The following NAALADL2 variants were observed in gnomAD, a reference collection of about 807,000 sequenced individuals.
The protein encoded by NAALADL2 is N-acetylated alpha-linked acidic dipeptidase like 2.
Under a neutral mutation model 87.2 loss-of-function variants are expected in NAALADL2, and 76 were observed. The observed-to-expected ratio is 0.87, with a 90% CI of 0.72 to 1.05. The LOEUF (loss-of-function observed/expected upper bound fraction) is 1.05, where lower values mean the gene tolerates loss of function less well. NAALADL2 is among the 50% of genes least tolerant of loss of function. The pLI is 0.00. For missense variants in NAALADL2, 1,089 were observed against 945.8 expected, an observed-to-expected ratio of 1.15 and a Z score of -1.99; for synonymous variants, 354 against 331.0, an observed-to-expected ratio of 1.07 and a Z score of -0.75.
At chr3:175,635,968 A>G (rs1435047800) in intron 11 of NAALADL2, among the ~76,000 whole-genome samples, 1 of 152,178 alleles carries the variant, frequency 6.6e-6, no homozygotes, top group Admixed American at 6.5e-5. Flanking sequence ...AACACAACAT[A>G]CCAGAAGAAT....
intron 9 of NAALADL2, among the ~76,000 whole-genome samples, chr3:175,521,168 TTATTTGTCTCAAGGGAGTATACA>T (rs1732602017): frequency 6.6e-6 from 1 of 151,816 alleles, no homozygotes; most frequent in African/African-American, 2.4e-5. Context: ...TACAGAGACT[TTATTTGTCTCAAGGGAGTATACA>T]TTTTTCCCTT....
intron 1 of NAALADL2, among the ~76,000 whole-genome samples, chr3:174,460,936 C>T (rs983475097): frequency 2.6e-5 from 4 of 151,940 alleles, no homozygotes; most frequent in African/African-American, 9.7e-5. Flanking sequence ...TTTTTCCCTC[C>T]CTATTCTTTG....
At position 175,183,883 on chromosome 3, in the gene NAALADL2, A is replaced by G. The variant is rs559794721; in HGVS notation, c.546-50048A>G. ...AGAGCATGAGGCCCAACATAGGTCAAACAATTATACTCTTTTCATTATATT... is the reference window on the plus strand; with the variant it reads ...AGAGCATGAGGCCCAACATAGGTCAGACAATTATACTCTTTTCATTATATT... On this transcript the variant is annotated intron_variant, in intron 2 of 13. Transcript: ENST00000454872. Among the ~76,000 whole-genome samples the G allele has an allele frequency of 2.6e-5, 4 of 152,228 alleles. No homozygotes were observed. The East Asian group carries it at 5.8e-4, about 22-fold the overall frequency.
At chr3:175,328,134 G>T (rs1452045028) in intron 5 of NAALADL2, among the ~76,000 whole-genome samples, 1 of 152,158 alleles carries the variant, frequency 6.6e-6, no homozygotes, top group Non-Finnish European at 1.5e-5. Flanking sequence ...ACTTGTGAAG[G>T]AGGATGTTTT....
intron 9 of NAALADL2, among the ~76,000 whole-genome samples, chr3:175,514,366 AAG>A (rs1216637635): frequency 1.3e-5 from 2 of 152,312 alleles, no homozygotes; most frequent in Admixed American, 6.5e-5. Context: ...AACATAATGA[AAG>A]AGAAAATGAT....
intron 9 of NAALADL2, among the ~76,000 whole-genome samples, chr3:175,570,340 A>G (rs62288403): frequency 0.11 from 16,245 of 152,202 alleles, 1,130 homozygotes; most frequent in Middle Eastern, 0.17. Context: ...AATTTAATCT[A>G]ATAACACTCT....
At chr3:175,672,260 G>C (rs1010051986) in intron 11 of NAALADL2, among the ~76,000 whole-genome samples, 3 of 152,080 alleles carry the variant, frequency 2.0e-5, no homozygotes, top group African/African-American at 7.2e-5. Flanking sequence ...CCCCATCCGG[G>C]AACATTGGTT....
At chr3:175,656,080 C>T (rs758678795) in intron 11 of NAALADL2, among the ~76,000 whole-genome samples, 5 of 152,102 alleles carry the variant, frequency 3.3e-5, no homozygotes, top group South Asian at 2.1e-4. Flanking sequence ...ATACTATAGC[C>T]GAGTTGCAAC....
chr3:174,477,754 A>G (rs1194707377), intron 1 of NAALADL2, among the ~76,000 whole-genome samples: 1 of 152,218 alleles, frequency 6.6e-6, no homozygotes, highest in African/African-American at 2.4e-5. Flanking sequence ...CCTCTGGGGA[A>G]GGATTAAAAC....
intron 1 of NAALADL2, among the ~76,000 whole-genome samples, chr3:175,085,419 A>G (rs1441196788): frequency 1.3e-5 from 2 of 152,104 alleles, no homozygotes; most frequent in Non-Finnish European, 2.9e-5. Context: ...TTGTTATCAT[A>G]ATTTTTGTTT....
chr3:175,628,978 A>G (rs2149720645), intron 11 of NAALADL2, among the ~76,000 whole-genome samples: 1 of 150,918 alleles, frequency 6.6e-6, no homozygotes, highest in East Asian at 1.9e-4. Flanking sequence ...AAATCACCTA[A>G]CAGGAAGCCT....
At chr3:175,135,457 C>G (rs762347736) in intron 2 of NAALADL2, among the ~76,000 whole-genome samples, 1 of 151,786 alleles carries the variant, frequency 6.6e-6, no homozygotes, top group Admixed American at 6.6e-5. Flanking sequence ...GTAGAGTAAG[C>G]GTGTGTAAAT....
At position 175,429,503 on chromosome 3, in the gene NAALADL2, A is replaced by G. The variant is rs562330544; in HGVS notation, c.1091-17726A>G. 3.3e-5 allele frequency among the ~76,000 whole-genome samples: 5 copies of G among 152,084 alleles called. No individual in the cohort carries two copies. The South Asian group carries it at 1.0e-3, about 32-fold the overall frequency. On this transcript the variant is annotated intron_variant, in intron 5 of 13. Transcript: ENST00000454872. ...TCTGGAGGATAGGAATATGTGTCCT[A>G]TCCTATAGTGCTAACGAGAGGAAAA...
chr3:175,284,702 TAATTA>T (rs1340849056), intron 4 of NAALADL2, among the ~76,000 whole-genome samples: 1 of 152,116 alleles, frequency 6.6e-6, no homozygotes, highest in East Asian at 1.9e-4. Context: ...ATTAAAATAA[TAATTA>T]AATTACATAA....
At chr3:175,613,286 C>T (rs1355357572) in intron 10 of NAALADL2, among the ~76,000 whole-genome samples, 1 of 152,144 alleles carries the variant, frequency 6.6e-6, no homozygotes, top group East Asian at 1.9e-4. Context: ...AGAAAGATAT[C>T]TACTTGCTTA....
intron 1 of NAALADL2, among the ~76,000 whole-genome samples, chr3:175,042,778 G>T (rs1754235729): frequency 6.6e-6 from 1 of 152,014 alleles, no homozygotes; most frequent in Non-Finnish European, 1.5e-5. Flanking sequence ...TTGGATATTT[G>T]CCCCTCCAAA....
At chr3:175,537,339 C>G (rs1284009897) in intron 9 of NAALADL2, among the ~76,000 whole-genome samples, 1 of 152,158 alleles carries the variant, frequency 6.6e-6, no homozygotes, top group Non-Finnish European at 1.5e-5. Flanking sequence ...ATCACTGTAG[C>G]TTGTACTGTA....
chr3:174,893,217 A>G (rs1731076765), intron 1 of NAALADL2, among the ~76,000 whole-genome samples: 1 of 152,140 alleles, frequency 6.6e-6, no homozygotes, highest in Admixed American at 6.5e-5. Context: ...TCCTTTAAAC[A>G]TGAAGGAGAA....
chr3:175,521,074 C>T (rs557776424), intron 9 of NAALADL2, among the ~76,000 whole-genome samples: 109 of 151,380 alleles, frequency 7.2e-4, no homozygotes, highest in African/African-American at 2.5e-3. Flanking sequence ...AAAATCTAAA[C>T]GTATCAGTTT....
Sources: gnomAD v4.1 joint callset for allele counts (sites outside exome capture counted in the v4.1 genomes callset) on GRCh38, gnomAD v4.1.1 for gene constraint, MANE v1.5 for transcripts, NCBI Gene and HGNC (gene_info 2026-07-23, HGNC 2026-07-21) for gene names.